Variants in PROSER3 observed in about 807,000 individuals in gnomAD.
The protein encoded by PROSER3 is proline and serine rich 3.
Under a neutral mutation model 50.2 loss-of-function variants are expected in PROSER3, and 33 were observed. The ratio of observed to expected loss-of-function variants is 0.66; its 90% confidence interval spans 0.50 to 0.88. The LOEUF (loss-of-function observed/expected upper bound fraction) is 0.88. Ranked by LOEUF, PROSER3 falls within the 40% of genes least tolerant of loss-of-function variation. The probability of loss-of-function intolerance (pLI) is 0.00; values close to 1 mark genes in which losing one functional copy is unlikely to be tolerated. For missense variants in PROSER3, 623 were observed against 612.7 expected, an observed-to-expected ratio of 1.02 and a Z score of -0.18; for synonymous variants, 266 against 259.3, an observed-to-expected ratio of 1.03 and a Z score of -0.25.
chr19:35,758,356 C>A, intron 1 of PROSER3, 130 bp downstream of exon 1: 3 of 1,249,940 alleles, frequency 2.4e-6, no homozygotes, highest in Non-Finnish European at 3.2e-6. Flanking sequence ...CTACAATTCC[C>A]AACATGCTCC....
intron 7 of PROSER3, 25 bp from the exon 8 acceptor site, chr19:35,766,743 C>T (rs1484899453): frequency 6.6e-7 from 1 of 1,523,888 alleles, no homozygotes; most frequent in Non-Finnish European, 8.9e-7. Flanking sequence ...CTGCCTCACC[C>T]TCTCCTCTCT....
At chr19:35,764,829 G>A in intron 5 of PROSER3, 25 bp from the exon 6 acceptor site, 1 of 1,602,290 alleles carries the variant, frequency 6.2e-7, no homozygotes. Context: ...GGTTGGGGCT[G>A]GCGTCTGACC....
Position 35,768,039 on chromosome 19 carries a change from C to G in PROSER3, c.1193C>G (p.Ala398Gly). ...CCCTCGGAGGCCCTGCTTGCCCAGG[C>G]CGCCCTGCTGCTGCAGGCTGCAGAA... is the stretch of plus-strand genomic sequence containing the variant. Residue 398 changes from alanine (A) to glycine (G), a missense_variant, in exon 9 of 11, where the codon GCC becomes GGC. Ala to Gly is a moderately conservative substitution (Grantham distance 60). Around this residue, in one of 3 missense-constraint regions of PROSER3, gnomAD observed 380 missense variants for 346.8 expected, o/e 1.10. Transcript: ENST00000396908. 2.5e-6 allele frequency: 4 copies of G among 1,580,876 alleles called. No homozygotes were observed. In the South Asian group the frequency reaches 4.6e-5, roughly 18 times the overall value.
intron 7 of PROSER3, 45 bp from the exon 8 acceptor site, chr19:35,766,723 T>C: frequency 7.0e-7 from 1 of 1,434,250 alleles, no homozygotes. Flanking sequence ...GTTGCTGATC[T>C]CCCTGGCCCC....
chr19:35,763,331 A>G (rs1307756856), intron 5 of PROSER3, among the ~76,000 whole-genome samples: 1 of 151,456 alleles, frequency 6.6e-6, no homozygotes, highest in East Asian at 2.0e-4. Context: ...CCTCCTGAGT[A>G]GCTGGGACTA....
At chr19:35,767,717 C>T in intron 8 of PROSER3, 1 of 1,498,880 alleles carries the variant, frequency 6.7e-7, no homozygotes, top group South Asian at 1.3e-5. Flanking sequence ...CCCCCCTCCA[C>T]CCAAGGCTGG....
chr19:35,768,534 A>G, exon 11 of PROSER3: 2 of 1,593,368 alleles, frequency 1.3e-6, no homozygotes, highest in Non-Finnish European at 1.7e-6. Flanking sequence ...CCTGGAGGCC[A>G]GAAGACTTTG....
Position 35,764,008 on chromosome 19 carries a change from G to A in PROSER3, c.544-846G>A, listed in dbSNP as rs559282993. ...TTACTTTGTTGTCGAGGCTGGTCTC[G>A]AAGTCCTGGGCTCAAGCAATCTTCC... On this transcript the variant is annotated intron_variant, in intron 5 of 10. Coordinates refer to ENST00000396908, the Ensembl canonical transcript of PROSER3. 1.5e-4 allele frequency among the ~76,000 whole-genome samples: 23 copies of A among 150,572 alleles called. No individual in the cohort carries two copies. In the South Asian group the frequency reaches 4.2e-3, roughly 28 times the overall value.
chr19:35,766,193 G>T (rs906715003), intron 7 of PROSER3, among the ~76,000 whole-genome samples: 1 of 151,972 alleles, frequency 6.6e-6, no homozygotes, highest in Non-Finnish European at 1.5e-5. Flanking sequence ...TAGATTCTGG[G>T]GAATATGTCT....
downstream of PROSER3, chr19:35,770,843 C>A (rs1287673840): frequency 1.3e-5 from 2 of 150,452 alleles, no homozygotes; most frequent in Non-Finnish European, 3.0e-5. Flanking sequence ...AAGATAATTT[C>A]TCTCTCTTTC....
At chr19:35,765,943 A>C (rs1487319707) in intron 7 of PROSER3, among the ~76,000 whole-genome samples, 1 of 152,212 alleles carries the variant, frequency 6.6e-6, no homozygotes, top group Non-Finnish European at 1.5e-5. Flanking sequence ...CATTCCAGGC[A>C]GAGGGAACGA....
In PROSER3 at chr19:35,764,666, GA is replaced by G. The variant is rs908652201; in HGVS notation, c.544-177del. Among the ~76,000 whole-genome samples the G allele has an allele frequency of 3.5e-3, 496 of 140,160 alleles. 3 individuals carry two copies. The highest frequency in any genetic ancestry group is 0.011 in the African/African-American group (412 of 38,340). The allele number at this position is 140,160 out of a possible 152,430, so 92.0% of individuals were successfully genotyped here. A position where few individuals can be genotyped will look rare whatever the true frequency, so the allele number is the denominator to read the frequency against. On this transcript the variant is annotated intron_variant, in intron 5 of 10. Coordinates refer to ENST00000396908, the Ensembl canonical transcript of PROSER3. ...TGAAATTCAATCTCAAAAAAAAAAA[GA>G]AAAAAAAAAAGGTGCTAATCCAAAG...
At position 35,759,699 on chromosome 19, in the gene PROSER3, G is replaced by T. The variant is rs1390552445; in HGVS notation, c.109-90G>T. ...TACAGGATGTGTTTCCTCCCCTCTG[G>T]ACTGAGACTTTGTGTGTGTCCTGGT... On this transcript the variant is annotated intron_variant, in intron 2 of 10. Transcript: ENST00000396908. The T allele has an allele frequency of 3.1e-6, 4 of 1,281,940 alleles. No homozygotes were observed. The African/African-American group carries it at 5.9e-5, about 19-fold the overall frequency. 79.4% of individuals were successfully genotyped at this position (1,281,940 alleles called of 1,614,324 possible). A position where few individuals can be genotyped will look rare whatever the true frequency, so the allele number is the denominator to read the frequency against.
exon 3 of PROSER3, chr19:35,759,960 C>G (rs780888633): frequency 6.2e-7 from 1 of 1,603,828 alleles, no homozygotes; most frequent in South Asian, 1.1e-5. Context: ...AGCACCCACC[C>G]TGATTGACAG....
chr19:35,770,049 C>T (rs1971291658), downstream of PROSER3, among the ~76,000 whole-genome samples: 2 of 152,212 alleles, frequency 1.3e-5, no homozygotes, highest in South Asian at 2.1e-4. Flanking sequence ...GGACTACAGG[C>T]GTGTGCCACC....
intron 5 of PROSER3, among the ~76,000 whole-genome samples, chr19:35,764,039 C>T (rs1971055784): frequency 6.6e-6 from 1 of 151,976 alleles, no homozygotes; most frequent in East Asian, 1.9e-4. Context: ...CTTCCTGCCT[C>T]GGCCTCCTAA....
intron 4 of PROSER3, 30 bp downstream of exon 4, chr19:35,762,176 C>T (rs766262438): frequency 5.4e-5 from 86 of 1,588,510 alleles, no homozygotes; most frequent in Non-Finnish European, 6.7e-5. Flanking sequence ...CCACTACTCC[C>T]ACCCCTAAAC....
rs767883390 is a variant in PROSER3, at chr19:35,762,362, A to G, written c.543+6A>G. On this transcript the variant is annotated splice_donor_region_variant and intron_variant, in intron 5 of 10. Coordinates refer to ENST00000396908, the Ensembl canonical transcript of PROSER3. ...CCCTTCAGGAAATAAAGCAGGTGAC[A>G]TCCCCATTCACTCCCTCCCTTGGGT... 2 of 1,589,218 alleles carry G rather than the reference A, an allele frequency of 1.3e-6. No homozygotes were observed. Among genetic ancestry groups the G allele is most frequent in the Non-Finnish European group, 1.7e-6 (2 of 1,166,504 alleles).
exon 9 of PROSER3, chr19:35,767,940 A>G (rs1457550649): frequency 6.2e-7 from 1 of 1,611,476 alleles, no homozygotes; most frequent in Admixed American, 1.7e-5. Flanking sequence ...ACCACAGTCA[A>G]GGCCTCGCCG....
Sources: allele counts gnomAD v4.1 joint callset (sites outside exome capture counted in the v4.1 genomes callset), GRCh38; gene constraint gnomAD v4.1.1; regional missense constraint gnomAD v4.1.1; transcripts MANE v1.5; gene names NCBI Gene and HGNC (gene_info 2026-07-23, HGNC 2026-07-21).